Variants in BATF observed in about 807,000 individuals in gnomAD.
BATF encodes the protein basic leucine zipper ATF-like transcription factor, also known as basic leucine zipper transcriptional factor ATF-like.
A neutral mutation model predicts 13.7 loss-of-function variants in BATF; 5 were observed. The observed-to-expected ratio is 0.36, with a 90% confidence interval of 0.19 to 0.77. The LOEUF (loss-of-function observed/expected upper bound fraction) is 0.77, where lower values mean the gene tolerates loss of function less well. Ranked by LOEUF, BATF falls within the 30% of genes least tolerant of loss-of-function variation. BATF has a pLI of 0.51. For missense variants in BATF, 124 were observed against 163.0 expected, an observed-to-expected ratio of 0.76 and a Z score of 1.30; for synonymous variants, 72 against 67.5, an observed-to-expected ratio of 1.07 and a Z score of -0.33.
At chr14:75,530,342 T>C (rs1393136700) in intron 2 of BATF, among the ~76,000 whole-genome samples, 1 of 152,176 alleles carries the variant, frequency 6.6e-6, no homozygotes, top group Non-Finnish European at 1.5e-5. Context: ...ATTCAAATTA[T>C]AGGTGCACAT....
chr14:75,525,046 T>G, intron 1 of BATF, 38 bp from the exon 2 acceptor site: 1 of 1,544,594 alleles, frequency 6.5e-7, no homozygotes, highest in Non-Finnish European at 8.9e-7. Context: ...AGAAGGGAGA[T>G]GCAGACCCAT....
At chr14:75,529,009 G>A (rs1360321430) in intron 2 of BATF, among the ~76,000 whole-genome samples, 1 of 152,168 alleles carries the variant, frequency 6.6e-6, no homozygotes, top group African/African-American at 2.4e-5. Context: ...CTTATGTAAA[G>A]TTAGCAATTT....
At chr14:75,539,424 ATTTTTTTTTTTTTT>A (rs1162218076) in intron 2 of BATF, among the ~76,000 whole-genome samples, 1 of 58,544 alleles carries the variant, frequency 1.7e-5, no homozygotes, top group African/African-American at 7.1e-5. Flanking sequence ...GTAAGCTGGA[ATTTTTTTTTTTTTT>A]TTTTTTTTTT....
chr14:75,533,998 C>G (rs563139120), intron 2 of BATF, among the ~76,000 whole-genome samples: 5 of 152,260 alleles, frequency 3.3e-5, no homozygotes, highest in South Asian at 4.1e-4. Flanking sequence ...GGCCATTAAC[C>G]AGAACACTTG....
In BATF at chr14:75,522,576, G is replaced by A. The variant is rs146831574; in HGVS notation, c.-107G>A. 6 of 1,284,918 alleles carry A rather than the reference G, an allele frequency of 4.7e-6. No individual in the cohort carries two copies. The East Asian group carries it at 1.4e-4, about 30-fold the overall frequency. The allele number at this position is 1,284,918 out of a possible 1,614,324, so 79.6% of individuals were successfully genotyped here. A position where few individuals can be genotyped will look rare whatever the true frequency, so the allele number is the denominator to read the frequency against. ...GGCAGGCAGAGGAGGCACCTGTAGG[G>A]GGTGGTGGGCTGGTGGCCCAGGAGA... On this transcript the variant is annotated 5_prime_UTR_variant, in exon 1 of 3. Transcript: ENST00000286639.
chr14:75,539,281 C>G (rs557874840), intron 2 of BATF, among the ~76,000 whole-genome samples: 1 of 152,168 alleles, frequency 6.6e-6, no homozygotes, highest in African/African-American at 2.4e-5. Context: ...AGCCTTTGTC[C>G]TTATGAGCAG....
chr14:75,532,143 T>C (rs1164834497), intron 2 of BATF, among the ~76,000 whole-genome samples: 2 of 152,246 alleles, frequency 1.3e-5, no homozygotes, highest in Non-Finnish European at 2.9e-5. Flanking sequence ...TTGATGGAGA[T>C]GACACAGCTT....
At chr14:75,535,204 G>A (rs748677539) in intron 2 of BATF, among the ~76,000 whole-genome samples, 3 of 152,132 alleles carry the variant, frequency 2.0e-5, no homozygotes, top group Non-Finnish European at 4.4e-5. Flanking sequence ...AGGATGACTT[G>A]AGACCAAGCT....
At position 75,546,592 on chromosome 14, in the gene BATF, C is replaced by A. The variant is rs765283183; in HGVS notation, c.299C>A (p.Thr100Lys). The change falls in exon 3 of 3, where the codon ACG becomes AAG. Residue 100 changes from threonine to lysine, a missense_variant. By Grantham distance (78) the Thr-to-Lys change is moderately conservative. Around this residue, in one of 2 missense-constraint regions of BATF, gnomAD observed 59 missense variants for 49.7 expected, o/e 1.19. Transcript: ENST00000286639. Reference protein sequence around the residue: ...EPLCSVLAASTPSPPEVVYSA... With the variant: ...EPLCSVLAASKPSPPEVVYSA... ...CTGTGCTCGGTGCTGGCCGCCAGCA[C>A]GCCCTCGCCCCCCGAGGTGGTGTAC... The A allele has an allele frequency of 2.5e-6, 4 of 1,613,992 alleles. No homozygotes were observed. The highest frequency in any genetic ancestry group is 3.4e-6 in the Non-Finnish European group (4 of 1,179,968).
chr14:75,531,053 C>T (rs994747659), intron 2 of BATF, among the ~76,000 whole-genome samples: 2 of 152,192 alleles, frequency 1.3e-5, no homozygotes, highest in African/African-American at 4.8e-5. Flanking sequence ...ATCATTACCA[C>T]ACATGCATTA....
At chr14:75,523,980 C>T (rs567847789) in intron 1 of BATF, among the ~76,000 whole-genome samples, 15 of 152,180 alleles carry the variant, frequency 9.9e-5, no homozygotes, top group Non-Finnish European at 2.2e-4. Context: ...AGAGGAAGAG[C>T]ACTTCCTTCC....
chr14:75,544,478 C>T (rs3095507), intron 2 of BATF, among the ~76,000 whole-genome samples: 131,618 of 150,690 alleles, frequency 0.87, 57,744 homozygotes, highest in South Asian at 0.94. Context: ...GGCAGGAGAA[C>T]TGCTTGAACC....
intron 2 of BATF, among the ~76,000 whole-genome samples, 161 bp downstream of exon 2, chr14:75,525,349 C>A (rs766462604): frequency 1.3e-5 from 2 of 151,874 alleles, no homozygotes; most frequent in South Asian, 4.2e-4. Context: ...GGAAGGGAAG[C>A]TGTCGTGAGA....
intron 1 of BATF, 83 bp downstream of exon 1, chr14:75,522,828 G>A: frequency 6.4e-7 from 1 of 1,562,334 alleles, no homozygotes; most frequent in Non-Finnish European, 8.8e-7. Context: ...TCCTGCCCAG[G>A]GAGCTGAGGA....
Position 75,524,938 on chromosome 14 carries a change from G to A in BATF, c.64-146G>A, listed in dbSNP as rs181575216. On this transcript the variant is annotated intron_variant, in intron 1 of 2. Transcript: ENST00000286639. Reference sequence around the variant, plus strand: ...GAGAAGAGCTCTCCTTCGGGTGCAGGCTTTTGGTAAATAGAGGGATGGAGG... The same window carrying A: ...GAGAAGAGCTCTCCTTCGGGTGCAGACTTTTGGTAAATAGAGGGATGGAGG... The A allele has an allele frequency of 6.2e-4, 399 of 641,842 alleles. 1 individual carries two copies. In the African/African-American group the frequency reaches 6.5e-3, roughly 10 times the overall value. 39.8% of individuals were successfully genotyped at this position (641,842 alleles called of 1,614,324 possible). A position where few individuals can be genotyped will look rare whatever the true frequency, so the allele number is the denominator to read the frequency against.
chr14:75,522,824 C>G (rs537944421), intron 1 of BATF, 79 bp downstream of exon 1: 1 of 1,572,562 alleles, frequency 6.4e-7, no homozygotes, highest in Admixed American at 1.7e-5. Flanking sequence ...CTTGTCCTGC[C>G]CAGGGAGCTG....
At chr14:75,545,635 C>G (rs1323445702) in intron 2 of BATF, among the ~76,000 whole-genome samples, 1 of 152,052 alleles carries the variant, frequency 6.6e-6, no homozygotes, top group Non-Finnish European at 1.5e-5. Flanking sequence ...ACACCGGGAG[C>G]TTTTGGAAAA....
Position 75,546,566 on chromosome 14 carries a change from C to G in BATF, c.273C>G (p.Pro91=). ...YFTSVLNSHE[P]LCSVLAASTP... is the part of the protein sequence containing the mutation. ...CGTCGGTGCTGAACAGCCACGAGCC[C>G]CTGTGCTCGGTGCTGGCCGCCAGCA... is the stretch of plus-strand genomic sequence containing the variant. The change falls in exon 3 of 3, where the codon CCC becomes CCG. Residue 91 remains proline, a synonymous_variant. Transcript: ENST00000286639. 1 of 1,614,144 alleles carries G rather than the reference C, an allele frequency of 6.2e-7. No individual in the cohort carries two copies. The highest frequency in any genetic ancestry group is 8.5e-7 in the Non-Finnish European group (1 of 1,179,994).
intron 2 of BATF, among the ~76,000 whole-genome samples, chr14:75,538,718 G>A (rs576765955): frequency 6.0e-4 from 92 of 152,306 alleles, no homozygotes; most frequent in South Asian, 3.3e-3. Flanking sequence ...TGGCTAACAC[G>A]GTGAAACCAT....
Sources: allele counts gnomAD v4.1 joint callset (sites outside exome capture counted in the v4.1 genomes callset), GRCh38; gene constraint gnomAD v4.1.1; regional missense constraint gnomAD v4.1.1; transcripts MANE v1.5; gene names NCBI Gene and HGNC (gene_info 2026-07-23, HGNC 2026-07-21).